LRRC72: variants seen among roughly 807,000 people sequenced by gnomAD.
LRRC72 encodes leucine-rich repeat-containing protein 72.
In LRRC72, 41 loss-of-function variants were observed where a neutral mutation model predicts 35.8. The ratio of observed to expected loss-of-function variants is 1.15; its 90% confidence interval spans 0.89 to 1.49. The LOEUF (loss-of-function observed/expected upper bound fraction) is 1.49. Ranked by LOEUF, LRRC72 falls within the 40% of genes most tolerant of loss-of-function variation. LRRC72 has a pLI of 0.00. For synonymous variants in LRRC72, 118 were observed against 119.2 expected (o/e 0.99, Z 0.07); for missense variants, 389 against 330.7 (o/e 1.18, Z -1.37).
intron 7 of LRRC72, among the ~76,000 whole-genome samples, chr7:16,577,319 A>G (rs1435259543): frequency 1.3e-5 from 2 of 152,226 alleles, no homozygotes; most frequent in African/African-American, 2.4e-5. Flanking sequence ...TTGTGCCATA[A>G]AGTAGCCCTG....
At chr7:16,547,543 C>A (rs1782470176) in intron 3 of LRRC72, among the ~76,000 whole-genome samples, 1 of 152,200 alleles carries the variant, frequency 6.6e-6, no homozygotes, top group Admixed American at 6.5e-5. Context: ...TCTCGGGGAC[C>A]CAGGAAGGCC....
intron 5 of LRRC72, 77 bp from the exon 6 acceptor site, chr7:16,566,236 A>T (rs1583649998): frequency 8.3e-6 from 7 of 844,568 alleles, no homozygotes; most frequent in South Asian, 2.4e-5. Context: ...GAATCTCTTA[A>T]TTTTTTGTAT....
intron 3 of LRRC72, among the ~76,000 whole-genome samples, chr7:16,548,141 G>A (rs1013865916): frequency 1.1e-4 from 16 of 152,172 alleles, no homozygotes; most frequent in African/African-American, 3.4e-4. Flanking sequence ...ACACTTGTTG[G>A]GGCACCCTTG....
intron 5 of LRRC72, among the ~76,000 whole-genome samples, chr7:16,562,556 C>G (rs1016499742): frequency 4.5e-4 from 68 of 152,342 alleles, no homozygotes; most frequent in African/African-American, 1.4e-3. Flanking sequence ...GCCTTGGGAA[C>G]AGGGAGTTCC....
At chr7:16,537,952 G>A (rs919128377) in intron 3 of LRRC72, among the ~76,000 whole-genome samples, 4 of 152,022 alleles carry the variant, frequency 2.6e-5, no homozygotes, top group Admixed American at 1.3e-4. Context: ...TGTCTCCCAC[G>A]TCCTATCAAA....
rs1247285254 is a variant in LRRC72, at chr7:16,532,499, T to C, written c.95T>C (p.Val32Ala). ...AGATTAATTATATGTTATCAGGCAG[T>C]TGAAGATCAGCTAAAGATATGTGGC... is the stretch of plus-strand genomic sequence containing the variant. ...ETALQSSRRA[V>A]EDQLKICGHR... The change falls in exon 2 of 9, where the codon GTT (valine) becomes GCT (alanine). Residue 32 changes from valine to alanine, a missense_variant. Physicochemically the swap from Val to Ala is moderately conservative, Grantham distance 64. Coordinates refer to ENST00000401542, the MANE Select transcript of LRRC72 (RefSeq NM_001195280.2). 1.9e-6 allele frequency: 3 copies of C among 1,549,500 alleles called. No homozygotes were observed. The highest frequency in any genetic ancestry group is 2.6e-6 in the Non-Finnish European group (3 of 1,145,936).
chr7:16,538,727 C>T (rs934344494), intron 3 of LRRC72, among the ~76,000 whole-genome samples: 3 of 152,192 alleles, frequency 2.0e-5, no homozygotes, highest in Non-Finnish European at 4.4e-5. Context: ...GGATGGTTCC[C>T]TCCATGTTGT....
intron 5 of LRRC72, among the ~76,000 whole-genome samples, chr7:16,565,230 C>G (rs1471135659): frequency 6.6e-6 from 1 of 152,114 alleles, no homozygotes; most frequent in Non-Finnish European, 1.5e-5. Flanking sequence ...GTCAGCAGTT[C>G]GAGACCAGCC....
intron 3 of LRRC72, among the ~76,000 whole-genome samples, chr7:16,548,777 C>G (rs1782495948): frequency 6.6e-6 from 1 of 152,232 alleles, no homozygotes; most frequent in Non-Finnish European, 1.5e-5. Flanking sequence ...CAGAGCAAAA[C>G]TCAGGCAAAG....
At position 16,581,367 on chromosome 7, in the gene LRRC72, A is replaced by G; in HGVS notation, c.742A>G (p.Met248Val). ...DPEDAVFVRSMKRSVMTLTSM... is the reference protein window; with the variant it reads ...DPEDAVFVRSVKRSVMTLTSM... ...AGAAGATGCTGTTTTTGTGAGGTCC[A>G]TGAAGAGATCAGTGATGACTTTGAC... Residue 248 changes from methionine (M) to valine (V), a missense_variant, in exon 9 of 9, where the codon ATG becomes GTG. Coordinates refer to ENST00000401542, the MANE Select transcript of LRRC72 (RefSeq NM_001195280.2). 6.5e-7 allele frequency: 1 copy of G among 1,548,310 alleles called. No homozygotes were observed. The highest frequency in any genetic ancestry group is 8.7e-7 in the Non-Finnish European group (1 of 1,145,848).
rs1321363966 is a variant in LRRC72 at position 16,526,900 on chromosome 7, C to G, written c.-53C>G. 11 of 1,431,708 alleles carry G rather than the reference C, an allele frequency of 7.7e-6. No individual in the cohort carries two copies. Among genetic ancestry groups the G allele is most frequent in the Non-Finnish European group, 1.0e-5 (11 of 1,052,602 alleles). 88.7% of individuals were successfully genotyped at this position (1,431,708 alleles called of 1,614,324 possible). A position where few individuals can be genotyped will look rare whatever the true frequency, so the allele number is the denominator to read the frequency against. Reference sequence around the variant, plus strand: ...CAAGCCAAGTCTCTCTTCGGTGCCACCGGCGGGCGAGGCCGGATTAATCAC... The same window carrying G: ...CAAGCCAAGTCTCTCTTCGGTGCCAGCGGCGGGCGAGGCCGGATTAATCAC... On this transcript the variant is annotated 5_prime_UTR_variant, in exon 1 of 9. Coordinates refer to ENST00000401542, the MANE Select transcript of LRRC72 (RefSeq NM_001195280.2).
At chr7:16,576,877 A>T (rs1005836043) in intron 7 of LRRC72, among the ~76,000 whole-genome samples, 1 of 152,208 alleles carries the variant, frequency 6.6e-6, no homozygotes, top group African/African-American at 2.4e-5. Context: ...ATGTACTACT[A>T]GGGAAGACAG....
chr7:16,574,318 T>G (rs1783000182), intron 7 of LRRC72, among the ~76,000 whole-genome samples: 2 of 152,242 alleles, frequency 1.3e-5, no homozygotes, highest in Non-Finnish European at 1.5e-5. Flanking sequence ...CAAAGGATTA[T>G]AAATCATTCT....
chr7:16,554,868 A>T (rs1191767602), intron 3 of LRRC72, among the ~76,000 whole-genome samples: 1 of 152,240 alleles, frequency 6.6e-6, no homozygotes, highest in Non-Finnish European at 1.5e-5. Context: ...GAGAAATTAA[A>T]GTCTCAGCTA....
intron 1 of LRRC72, among the ~76,000 whole-genome samples, chr7:16,531,431 C>A (rs1029345459): frequency 6.6e-6 from 1 of 152,124 alleles, no homozygotes; most frequent in African/African-American, 2.4e-5. Flanking sequence ...CACTAGCGTA[C>A]CTATCTTCCT....
chr7:16,557,802 A>C (rs1458220581), intron 4 of LRRC72, among the ~76,000 whole-genome samples: 9 of 152,208 alleles, frequency 5.9e-5, no homozygotes. Context: ...TACCAGCCAA[A>C]TTCCTGCTTT....
chr7:16,566,369 C>T lies in LRRC72; in HGVS notation c.484C>T (p.His162Tyr), dbSNP rs1458959918. The T allele has an allele frequency of 6.5e-7, 1 of 1,547,232 alleles. No individual in the cohort carries two copies. Residue 162 changes from histidine to tyrosine, a missense_variant, in exon 6 of 9, where the codon CAC (histidine) becomes TAC (tyrosine). Physicochemically the swap from His to Tyr is moderately conservative, Grantham distance 83 (BLOSUM62 2). Coordinates refer to ENST00000401542, the MANE Select transcript of LRRC72 (RefSeq NM_001195280.2). ...CCTGTATCGTTTATATATCATCTAC[C>T]ACCTTCCAGGAGTGGAGCTGCTTGA... ...YNLYRLYIIY[H>Y]LPGVELLDRN...
At chr7:16,574,329 A>G (rs1227069548) in intron 7 of LRRC72, among the ~76,000 whole-genome samples, 1 of 152,226 alleles carries the variant, frequency 6.6e-6, no homozygotes, top group East Asian at 1.9e-4. Flanking sequence ...AAATCATTCT[A>G]CTATAAAGAC....
chr7:16,557,736 T>C (rs1389316835), intron 4 of LRRC72, among the ~76,000 whole-genome samples: 1 of 152,198 alleles, frequency 6.6e-6, no homozygotes, highest in Non-Finnish European at 1.5e-5. Context: ...TTGGGAGCAT[T>C]GATAAATACA....
Sources: allele counts gnomAD v4.1 joint callset (sites outside exome capture counted in the v4.1 genomes callset), GRCh38; gene constraint gnomAD v4.1.1; transcripts MANE v1.5; gene names NCBI Gene and HGNC (gene_info 2026-07-23, HGNC 2026-07-21).